Variants in SLC41A3 observed in about 807,000 individuals in gnomAD.
The protein encoded by SLC41A3 is SLC41A1-like 2.
A neutral mutation model predicts 45.4 loss-of-function variants in SLC41A3; 44 were observed. The ratio of observed to expected loss-of-function variants is 0.97; its 90% CI spans 0.76 to 1.25. The LOEUF is 1.25. Ranked by LOEUF, SLC41A3 falls within the 50% of genes most tolerant of loss-of-function variation. SLC41A3 has a pLI of 0.00. For synonymous variants in SLC41A3, 256 were observed against 252.4 expected, an observed-to-expected ratio of 1.01 and a Z score of -0.13; for missense variants, 550 against 600.6, an observed-to-expected ratio of 0.92 and a Z score of 0.88.
intron 1 of SLC41A3, among the ~76,000 whole-genome samples, chr3:126,075,500 G>A (rs1944840008): frequency 7.3e-6 from 1 of 137,422 alleles, no homozygotes; most frequent in Non-Finnish European, 1.6e-5. Flanking sequence ...TGGAGAAAAT[G>A]ACAAGCTGAT....
intron 2 of SLC41A3, chr3:126,056,705 T>A (rs1465877040): frequency 6.9e-7 from 1 of 1,440,350 alleles, no homozygotes; most frequent in African/African-American, 1.4e-5. Context: ...TGCAGAGAGT[T>A]CCCCAACAGC....
At chr3:126,019,884 G>C (rs1940677665) in intron 6 of SLC41A3, among the ~76,000 whole-genome samples, 1 of 151,908 alleles carries the variant, frequency 6.6e-6, no homozygotes, top group South Asian at 2.1e-4. Context: ...CTGCTTCCAT[G>C]GCTCCACTAG....
At chr3:126,100,185 G>A (rs760738083) in intron 1 of SLC41A3, among the ~76,000 whole-genome samples, 3 of 126,556 alleles carry the variant, frequency 2.4e-5, no homozygotes, top group Admixed American at 1.5e-4. Flanking sequence ...ACTCTGCCAC[G>A]GAGGGTCCTC....
intron 3 of SLC41A3, 185 bp downstream of exon 3, chr3:126,050,758 G>T: frequency 1.9e-6 from 2 of 1,079,502 alleles, no homozygotes; most frequent in Non-Finnish European, 2.5e-6. Context: ...ATCCAGTTTG[G>T]TAGTGGAAAG....
At position 126,068,234 on chromosome 3, in the gene SLC41A3, G is replaced by A; in HGVS notation, c.-15C>T. On this transcript the variant is annotated 5_prime_UTR_variant, in exon 2 of 11. Transcript: ENST00000360370. ...GTCCCATCCATCTGGGCACAGCTGG[G>A]CGCCTGGCAGCCCTACAGTGGGAGA... 1 of 1,502,320 alleles carries A rather than the reference G, an allele frequency of 6.7e-7. No individual in the cohort carries two copies. Among genetic ancestry groups the A allele is most frequent in the Non-Finnish European group, 8.9e-7 (1 of 1,127,062 alleles). The allele number at this position is 1,502,320 out of a possible 1,614,324, so 93.1% of individuals were successfully genotyped here.
At chr3:126,087,679 C>T (rs1945420455), upstream of SLC41A3, among the ~76,000 whole-genome samples, 1 of 151,434 alleles carries the variant, frequency 6.6e-6, no homozygotes, top group Non-Finnish European at 1.5e-5. Context: ...GAATTTTTGT[C>T]CTAAAATAAA....
chr3:126,018,502 C>T (rs1940532996), intron 6 of SLC41A3, among the ~76,000 whole-genome samples: 1 of 152,188 alleles, frequency 6.6e-6, no homozygotes, highest in Non-Finnish European at 1.5e-5. Context: ...AAGACAGTCC[C>T]AAAGCTGGGA....
At chr3:126,048,377 C>T (rs796766104) in intron 3 of SLC41A3, among the ~76,000 whole-genome samples, 11 of 152,208 alleles carry the variant, frequency 7.2e-5, no homozygotes, top group African/African-American at 2.4e-4. Context: ...ACCTTATAAA[C>T]GACTATTTCC....
chr3:126,015,352 G>A, intron 8 of SLC41A3, 142 bp downstream of exon 8: 3 of 753,072 alleles, frequency 4.0e-6, no homozygotes, highest in Non-Finnish European at 6.7e-6. Flanking sequence ...ATCCCTGTAA[G>A]GCAGCAGTCT....
At chr3:126,073,858 C>T (rs1003460324) in intron 1 of SLC41A3, among the ~76,000 whole-genome samples, 19 of 152,078 alleles carry the variant, frequency 1.2e-4, no homozygotes, top group Admixed American at 2.6e-4. Flanking sequence ...ACTTCCCAAC[C>T]GCTTGTATGA....
At chr3:126,082,635 A>G (rs1945217339) in intron 1 of SLC41A3, among the ~76,000 whole-genome samples, 1 of 152,152 alleles carries the variant, frequency 6.6e-6, no homozygotes, top group Non-Finnish European at 1.5e-5. Flanking sequence ...CAGACTGAGG[A>G]GGAAACGGAC....
In SLC41A3 at chr3:126,015,289, G is replaced by GT. The variant is rs561011651; in HGVS notation, c.970+204dup. 2.6e-3 allele frequency among the ~76,000 whole-genome samples: 391 copies of GT among 152,338 alleles called. 1 individual carries two copies. The highest frequency in any genetic ancestry group is 4.0e-3 in the Admixed American group (61 of 15,306). ...AGCCGGGTCTGAGCTGCTGCGAACA[G>GT]TGTGTGGGGCTTCCTCCCCAGGCTT... On this transcript the variant is annotated intron_variant, in intron 8 of 10. Coordinates refer to ENST00000360370, the MANE Select transcript of SLC41A3 (RefSeq NM_017836.4).
chr3:126,013,339 C>A (rs1939916685), intron 8 of SLC41A3, among the ~76,000 whole-genome samples: 3 of 151,570 alleles, frequency 2.0e-5, no homozygotes, highest in African/African-American at 4.8e-5. Flanking sequence ...GTGGGTGGAT[C>A]ATTTGAGGTC....
chr3:126,034,686 C>T (rs1296713819), intron 3 of SLC41A3, among the ~76,000 whole-genome samples: 2 of 152,204 alleles, frequency 1.3e-5, no homozygotes, highest in African/African-American at 4.8e-5. Flanking sequence ...TGACTCACCC[C>T]TCTTCTGCTC....
At chr3:126,043,011 T>C (rs1373625579) in intron 3 of SLC41A3, among the ~76,000 whole-genome samples, 1 of 133,662 alleles carries the variant, frequency 7.5e-6, no homozygotes, top group Non-Finnish European at 1.6e-5. Context: ...TTCCCAAATT[T>C]GAAAAAAAAA....
chr3:126,028,314 ACT>A (rs889978491), intron 4 of SLC41A3, among the ~76,000 whole-genome samples: 18 of 139,910 alleles, frequency 1.3e-4, no homozygotes, highest in Non-Finnish European at 2.9e-4. Context: ...GCCTCAGGAC[ACT>A]CTGTCCCATG....
chr3:126,033,817 G>A, intron 3 of SLC41A3, 139 bp from the exon 4 acceptor site: 1 of 875,976 alleles, frequency 1.1e-6, no homozygotes, highest in Non-Finnish European at 1.8e-6. Flanking sequence ...CCTCTGCTCA[G>A]CTCTCCAAAC....
chr3:126,070,706 C>G (rs780819158), intron 1 of SLC41A3, among the ~76,000 whole-genome samples: 8 of 152,112 alleles, frequency 5.3e-5, no homozygotes, highest in Non-Finnish European at 7.4e-5. Flanking sequence ...ACAGAGCATT[C>G]GTCCCCAGCA....
intron 1 of SLC41A3, among the ~76,000 whole-genome samples, chr3:126,082,607 G>T (rs755731886): frequency 1.3e-5 from 2 of 152,170 alleles, no homozygotes; most frequent in Non-Finnish European, 1.5e-5. Context: ...CATGGGGTTG[G>T]GGGGTATCCG....
Sources: gnomAD v4.1 joint callset for allele counts (sites outside exome capture counted in the v4.1 genomes callset) on GRCh38, gnomAD v4.1.1 for gene constraint, MANE v1.5 for transcripts, NCBI Gene and HGNC (gene_info 2026-07-23, HGNC 2026-07-21) for gene names.